The following ZFYVE28 variants were observed in gnomAD, a reference collection of about 807,000 sequenced individuals.
The protein encoded by ZFYVE28 is lateral signaling target protein 2 homolog.
In ZFYVE28, 40 loss-of-function variants were observed where a neutral mutation model predicts 82.1. The observed-to-expected ratio is 0.49, with a 90% CI of 0.38 to 0.63. The LOEUF is 0.63. Ranked by LOEUF, ZFYVE28 falls within the 30% of genes least tolerant of loss-of-function variation. The probability of loss-of-function intolerance (pLI) is 0.00; values close to 1 mark genes in which losing one functional copy is unlikely to be tolerated. For synonymous variants in ZFYVE28, 612 were observed against 546.1 expected (o/e 1.12, Z -1.68); for missense variants, 1,321 against 1,242.1 (o/e 1.06, Z -0.96).
intron 1 of ZFYVE28, among the ~76,000 whole-genome samples, chr4:2,413,930 T>G (rs1732774069): frequency 6.6e-6 from 1 of 152,038 alleles, no homozygotes; most frequent in Non-Finnish European, 1.5e-5. Context: ...TTCTGGGGGA[T>G]CTCTGTCATC....
At position 2,330,955 on chromosome 4, in the gene ZFYVE28, G is replaced by C. The variant is rs143760404; in HGVS notation, c.701+4750C>G. The C allele has an allele frequency of 2.9e-3, 4,469 of 1,535,338 alleles. 97 individuals carry two copies. In the African/African-American group the frequency reaches 0.048, roughly 16 times the overall value. ...CACCTTGTTTTGACACAGGTGGATG[G>C]GTGAGGGCCCCTGAAGAGGATCCGG... On this transcript the variant is annotated intron_variant, in intron 6 of 12. Coordinates refer to ENST00000290974, the MANE Select transcript of ZFYVE28 (RefSeq NM_020972.3).
At chr4:2,325,914 T>C (rs940101760) in intron 6 of ZFYVE28, among the ~76,000 whole-genome samples, 4 of 152,152 alleles carry the variant, frequency 2.6e-5, no homozygotes, top group African/African-American at 9.7e-5. Context: ...TTTTTTTTAA[T>C]GTTTTCTTGC....
chr4:2,330,655 G>T, intron 6 of ZFYVE28: 1 of 1,416,796 alleles, frequency 7.1e-7, no homozygotes, highest in Non-Finnish European at 9.2e-7. Context: ...TAGTGGAGGG[G>T]CCAGCACCAT....
At position 2,273,358 on chromosome 4, in the gene ZFYVE28, C is replaced by T. The variant is rs1010049686; in HGVS notation, c.2207-69G>A. On this transcript the variant is annotated intron_variant, in intron 9 of 12. Coordinates refer to ENST00000290974, the MANE Select transcript of ZFYVE28 (RefSeq NM_020972.3). Reference sequence around the variant, plus strand: ...GAAGGAACTGCGGAGGTCGGTGCTGCGGGCTGGGCAGACCCAGCCAGAGCT... The same window carrying T: ...GAAGGAACTGCGGAGGTCGGTGCTGTGGGCTGGGCAGACCCAGCCAGAGCT... 83 of 1,422,444 alleles carry T rather than the reference C, an allele frequency of 5.8e-5. 1 individual carries two copies. The highest frequency in any genetic ancestry group is 5.6e-5 in the African/African-American group (4 of 71,290). 88.1% of individuals were successfully genotyped at this position (1,422,444 alleles called of 1,614,324 possible). A position where few individuals can be genotyped will look rare whatever the true frequency, so the allele number is the denominator to read the frequency against.
At chr4:2,387,376 C>T (rs1242308785) in intron 1 of ZFYVE28, among the ~76,000 whole-genome samples, 2 of 152,232 alleles carry the variant, frequency 1.3e-5, no homozygotes, top group Admixed American at 6.5e-5. Context: ...CAGAACCCAT[C>T]ACTTGGCCTG....
intron 1 of ZFYVE28, among the ~76,000 whole-genome samples, chr4:2,375,802 A>G (rs1214856755): frequency 6.6e-6 from 1 of 152,218 alleles, no homozygotes; most frequent in African/African-American, 2.4e-5. Flanking sequence ...CCCAGATTTC[A>G]GAGTTCACCA....
chr4:2,353,682 C>A (rs1422907537), intron 2 of ZFYVE28, among the ~76,000 whole-genome samples: 2 of 152,158 alleles, frequency 1.3e-5, no homozygotes, highest in Admixed American at 1.3e-4. Context: ...TCACTCCGCA[C>A]CCCCTGCCCC....
rs1390676232 is a variant in ZFYVE28 at position 2,417,925 on chromosome 4, G to A, written c.39+360C>T. 1.3e-5 allele frequency among the ~76,000 whole-genome samples: 2 copies of A among 151,892 alleles called. No homozygotes were observed. The highest frequency in any genetic ancestry group is 2.9e-5 in the Non-Finnish European group (2 of 67,974). On this transcript the variant is annotated intron_variant, in intron 1 of 12. Coordinates refer to ENST00000290974, the MANE Select transcript of ZFYVE28 (RefSeq NM_020972.3). This position sits in a 1 kb window ranked among gnomAD's most constrained non-coding sequence, Gnocchi z 4.8. ...GTAGTAGGGGGTCTGCTCCGGGCCC[G>A]CGGGCTGGGGACCACGAAGTGTAGG...
Position 2,388,503 on chromosome 4 carries a change from T to C in ZFYVE28, c.39+29782A>G, listed in dbSNP as rs548954012. ...AAGAAGGGAAGTACCAGGGCCTTTC[T>C]AGAGCATGCCAGGACGGTGTCACTC... On this transcript the variant is annotated intron_variant, in intron 1 of 12. Transcript: ENST00000290974. 4.6e-5 allele frequency among the ~76,000 whole-genome samples: 7 copies of C among 152,262 alleles called. No homozygotes were observed. In the South Asian group the frequency reaches 1.2e-3, roughly 27 times the overall value.
chr4:2,330,247 G>A (rs1015732481), intron 6 of ZFYVE28: 1 of 982,328 alleles, frequency 1.0e-6, no homozygotes, highest in Non-Finnish European at 1.2e-6. Flanking sequence ...ACTGTAGATG[G>A]GTGAGTCATA....
At chr4:2,276,927 T>C (rs1736513776) in intron 8 of ZFYVE28, among the ~76,000 whole-genome samples, 1 of 151,978 alleles carries the variant, frequency 6.6e-6, no homozygotes, top group Non-Finnish European at 1.5e-5. Context: ...TGCCACGAAA[T>C]TGTACGCTTA....
At chr4:2,415,770 C>CT in intron 1 of ZFYVE28, among the ~76,000 whole-genome samples, 1 of 152,280 alleles carries the variant, frequency 6.6e-6, no homozygotes, top group South Asian at 2.1e-4. Context: ...AGGCAAGAAT[C>CT]TGAGCTTTGG....
At chr4:2,298,108 C>G (rs868864807) in intron 8 of ZFYVE28, among the ~76,000 whole-genome samples, 1 of 144,428 alleles carries the variant, frequency 6.9e-6, no homozygotes, top group South Asian at 2.2e-4. Context: ...TGGGGTGACA[C>G]GGTGACACAG....
Position 2,417,784 on chromosome 4 carries a change from G to A in ZFYVE28, c.39+501C>T, listed in dbSNP as rs1419816458. ...GGTTCTCTCAGAACCTGGGGAAGTGGGGAGAGGGTCTGTTCTGGAGTGCGG... is the reference window on the plus strand; with the variant it reads ...GGTTCTCTCAGAACCTGGGGAAGTGAGGAGAGGGTCTGTTCTGGAGTGCGG... On this transcript the variant is annotated intron_variant, in intron 1 of 12. Coordinates refer to ENST00000290974, the MANE Select transcript of ZFYVE28 (RefSeq NM_020972.3). This position sits in a 1 kb window ranked among gnomAD's most constrained non-coding sequence, Gnocchi z 4.8. Among the ~76,000 whole-genome samples, 2 of 152,102 alleles carry A rather than the reference G, an allele frequency of 1.3e-5. No individual in the cohort carries two copies. Among genetic ancestry groups the A allele is most frequent in the African/African-American group, 4.8e-5 (2 of 41,418 alleles).
At chr4:2,293,881 C>T (rs1577937643) in intron 8 of ZFYVE28, among the ~76,000 whole-genome samples, 1 of 151,482 alleles carries the variant, frequency 6.6e-6, no homozygotes, top group African/African-American at 2.4e-5. Flanking sequence ...ATATAGAATA[C>T]TTGAGGATTC....
chr4:2,401,463 C>T (rs1731166411), intron 1 of ZFYVE28, among the ~76,000 whole-genome samples: 1 of 152,196 alleles, frequency 6.6e-6, no homozygotes, highest in African/African-American at 2.4e-5. Flanking sequence ...CACACCCTCC[C>T]GGCCGGGCAG....
rs1461636367 is a variant in ZFYVE28, at chr4:2,300,109, G to A, written c.2051+4180C>T. 1.3e-5 allele frequency among the ~76,000 whole-genome samples: 2 copies of A among 152,156 alleles called. No individual in the cohort carries two copies. Among genetic ancestry groups the A allele is most frequent in the Non-Finnish European group, 2.9e-5 (2 of 68,016 alleles). On this transcript the variant is annotated intron_variant, in intron 8 of 12. Transcript: ENST00000290974. This position sits in a 1 kb window ranked among gnomAD's most constrained non-coding sequence, Gnocchi z 4.6. ...ACCAGACCCAGACTTTCCTTCTTAT[G>A]TTTTCCAAAGTTTCTACAATGAACA...
intron 1 of ZFYVE28, among the ~76,000 whole-genome samples, chr4:2,356,505 G>A (rs35861674): frequency 0.33 from 50,431 of 150,978 alleles, 9,000 homozygotes; most frequent in East Asian, 0.47. Context: ...AGAGATGGAC[G>A]GTGGGCACTG....
At chr4:2,382,784 G>A (rs544890452) in intron 1 of ZFYVE28, among the ~76,000 whole-genome samples, 17 of 152,214 alleles carry the variant, frequency 1.1e-4, no homozygotes, top group South Asian at 6.2e-4. Context: ...ATAAAGACAC[G>A]CTGGAGACTG....
Sources: gnomAD v4.1 joint callset for allele counts (sites outside exome capture counted in the v4.1 genomes callset) on GRCh38, gnomAD v4.1.1 for gene constraint, Gnocchi (gnomAD v3.1) non-coding constraint, MANE v1.5 for transcripts, NCBI Gene and HGNC (gene_info 2026-07-23, HGNC 2026-07-21) for gene names.